Variants in TNNC2 observed in about 807,000 individuals in gnomAD.
TNNC2 encodes troponin C, skeletal muscle.
TNNC2 carries 14 observed loss-of-function variants against 20.0 expected under a neutral mutation model. The observed-to-expected ratio is 0.70, with a 90% CI of 0.46 to 1.09. The LOEUF (loss-of-function observed/expected upper bound fraction) is 1.09. Among genes scored for constraint, TNNC2 ranks in the 50% least tolerant of loss-of-function variants. The pLI, the probability that TNNC2 is intolerant of heterozygous loss-of-function variation, is 0.00. For synonymous variants in TNNC2, 81 were observed against 77.3 expected (o/e 1.05, Z -0.25); for missense variants, 163 against 223.8 (o/e 0.73, Z 1.73).
At chr20:45,825,267 G>A (rs566154626) in intron 1 of TNNC2, among the ~76,000 whole-genome samples, 13 of 149,816 alleles carry the variant, frequency 8.7e-5, no homozygotes, top group African/African-American at 3.0e-4. Context: ...TTGAGCCACT[G>A]TGCCCAGCTT....
chr20:45,830,129 T>G (rs1392952803), upstream of TNNC2, among the ~76,000 whole-genome samples: 1 of 151,498 alleles, frequency 6.6e-6, no homozygotes, highest in East Asian at 2.0e-4. Flanking sequence ...GGTCAGGAGT[T>G]CGAGACCATC....
upstream of TNNC2, among the ~76,000 whole-genome samples, chr20:45,832,074 G>A (rs1284824064): frequency 6.6e-6 from 1 of 152,220 alleles, no homozygotes; most frequent in African/African-American, 2.4e-5. Context: ...CACTTTGGGA[G>A]GTAGAGGCAG....
At chr20:45,827,117 G>C (rs1236788049) in intron 1 of TNNC2, 129 bp downstream of exon 1, 1 of 1,197,046 alleles carries the variant, frequency 8.4e-7, no homozygotes, top group Non-Finnish European at 1.2e-6. Context: ...AAGACACCTG[G>C]GTTCCAGGAA....
rs201505970 is a variant in TNNC2 at position 45,824,067 on chromosome 20, C to T, written c.375G>A (p.Glu125=). The stretch of plus-strand genomic sequence containing the variant: ...ATTCGATCTCCTCGTCCGTCACGTG[C>T]TCCCCGGAGGCCCTGAAAATCTCAG... ...ELAEIFRASG[E]HVTDEEIESL... The change falls in exon 5 of 6, where the codon GAG becomes GAA. Residue 125 remains glutamate, a synonymous_variant. Coordinates refer to ENST00000372555, the MANE Select transcript of TNNC2 (RefSeq NM_003279.3). 141 of 1,614,134 alleles carry T rather than the reference C, an allele frequency of 8.7e-5. No homozygotes were observed. The highest frequency in any genetic ancestry group is 3.3e-4 in the Middle Eastern group (2 of 6,062).
chr20:45,833,206 G>T (rs56160013), intron 2 of TNNC2: 2 of 149,404 alleles, frequency 1.3e-5, no homozygotes, highest in South Asian at 4.3e-4. Context: ...GAGAAAGAAA[G>T]AAAGAAACCT....
chr20:45,831,995 TGAA>T (rs1983121860), upstream of TNNC2, among the ~76,000 whole-genome samples: 1 of 152,194 alleles, frequency 6.6e-6, no homozygotes, highest in African/African-American at 2.4e-5. Flanking sequence ...ATAAGCCAAA[TGAA>T]GAGTAATTCG....
chr20:45,824,760 C>G (rs748561524), intron 2 of TNNC2, 23 bp downstream of exon 2: 32 of 1,613,126 alleles, frequency 2.0e-5, no homozygotes, highest in Non-Finnish European at 2.5e-5. Context: ...CACCCAGCCC[C>G]CAGCCTGCCG....
chr20:45,829,160 GTTTTTTTT>G (rs57079984), upstream of TNNC2, among the ~76,000 whole-genome samples: 1 of 98,282 alleles, frequency 1.0e-5, no homozygotes, highest in African/African-American at 3.6e-5. Context: ...TTTGTTTTTG[GTTTTTTTT>G]TTTTTTTTTT....
At chr20:45,832,594 C>T (rs1484356473) in intron 2 of TNNC2, among the ~76,000 whole-genome samples, 1 of 152,202 alleles carries the variant, frequency 6.6e-6, no homozygotes, top group African/African-American at 2.4e-5. Context: ...GAAATACCTT[C>T]TGCTTATCCC....
intron 4 of TNNC2, 21 bp from the exon 5 acceptor site, chr20:45,824,148 G>A (rs1249668409): frequency 2.5e-6 from 4 of 1,612,304 alleles, no homozygotes; most frequent in Non-Finnish European, 2.5e-6. Flanking sequence ...GAGGGACAGG[G>A]CAGGGCTCAG....
At chr20:45,830,846 T>G (rs890458662), upstream of TNNC2, among the ~76,000 whole-genome samples, 2 of 152,144 alleles carry the variant, frequency 1.3e-5, no homozygotes, top group African/African-American at 4.8e-5. Context: ...TGTAGGGAGA[T>G]ATCCATACAG....
chr20:45,832,808 G>A (rs995944462), intron 2 of TNNC2, among the ~76,000 whole-genome samples: 3 of 152,342 alleles, frequency 2.0e-5, no homozygotes, highest in Admixed American at 6.5e-5. Context: ...CAAAGCTGGG[G>A]AGCCACTGAG....
At chr20:45,828,197 CT>C (rs10630967), upstream of TNNC2, among the ~76,000 whole-genome samples, 5,591 of 142,192 alleles carry the variant, frequency 0.039, 149 homozygotes, top group African/African-American at 0.068. Flanking sequence ...CCACCCCTGG[CT>C]TTTTTTTTTT....
chr20:45,824,928 C>T (rs1027565310), intron 1 of TNNC2, 94 bp from the exon 2 acceptor site: 2 of 1,378,764 alleles, frequency 1.5e-6, no homozygotes, highest in Non-Finnish European at 2.0e-6. Context: ...ACTCTGTCAG[C>T]GCCCTTGGTT....
Position 45,824,124 on chromosome 20 carries a change from ATTCCTTCAGG to A in TNNC2, c.315-7_317del. On this transcript the variant is annotated splice_acceptor_variant and splice_polypyrimidine_tract_variant and coding_sequence_variant and intron_variant, in exon 5 of 6. Coordinates refer to ENST00000372555, the MANE Select transcript of TNNC2 (RefSeq NM_003279.3). LOFTEE classifies it high-confidence loss of function. ...CCTCCGGGTCGATGTAGCCGTCTGC[ATTCCTTCAGG>A]TCCGAGGGACAGGGCAGGGCTCAGG... 6.2e-7 allele frequency: 1 copy of A among 1,613,572 alleles called. No individual in the cohort carries two copies. The highest frequency in any genetic ancestry group is 1.3e-5 in the African/African-American group (1 of 74,904).
At chr20:45,826,084 A>AT (rs1316168743) in intron 1 of TNNC2, among the ~76,000 whole-genome samples, 1 of 144,946 alleles carries the variant, frequency 6.9e-6, no homozygotes, top group Non-Finnish European at 1.5e-5. Flanking sequence ...CAGGGATGAG[A>AT]TATCAGGGGT....
Position 45,823,416 on chromosome 20 carries a change from C to G in TNNC2, c.452-37G>C. 2.5e-6 allele frequency: 4 copies of G among 1,579,646 alleles called. No homozygotes were observed. The highest frequency in any genetic ancestry group is 3.4e-6 in the Non-Finnish European group (4 of 1,163,010). On this transcript the variant is annotated intron_variant, in intron 5 of 5. Coordinates refer to ENST00000372555, the MANE Select transcript of TNNC2 (RefSeq NM_003279.3). The surrounding 1 kb of genome is among the most constrained non-coding windows in gnomAD (Gnocchi z 4.6). ...GAGAGGGAGAGGGTCAGGGGTCCCA[C>G]TGGGGACGCAGAGGCCAGGCCAGGG...
upstream of TNNC2, among the ~76,000 whole-genome samples, chr20:45,831,989 G>A (rs1240335004): frequency 6.6e-6 from 1 of 152,204 alleles, no homozygotes. Flanking sequence ...TTGCCCATAA[G>A]CCAAATGAAG....
At chr20:45,824,205 G>A (rs924402308) in intron 4 of TNNC2, 78 bp from the exon 5 acceptor site, 3 of 1,596,858 alleles carry the variant, frequency 1.9e-6, no homozygotes, top group South Asian at 2.2e-5. Flanking sequence ...CCCCGCTTCC[G>A]CACTCCCAAC....
Sources: gnomAD v4.1 joint callset for allele counts (sites outside exome capture counted in the v4.1 genomes callset) on GRCh38, gnomAD v4.1.1 for gene constraint, Gnocchi (gnomAD v3.1) non-coding constraint, MANE v1.5 for transcripts, NCBI Gene and HGNC (gene_info 2026-07-23, HGNC 2026-07-21) for gene names.